Variants in KIF13A observed in about 807,000 individuals in gnomAD.
KIF13A encodes kinesin family member 13A.
A neutral mutation model predicts 212.2 loss-of-function variants in KIF13A; 79 were observed. The ratio of observed to expected loss-of-function variants is 0.37; its 90% CI spans 0.31 to 0.45. The LOEUF (loss-of-function observed/expected upper bound fraction) is 0.45. KIF13A is among the 20% of genes least tolerant of loss of function. KIF13A has a pLI of 1.00. For missense variants in KIF13A, 1,901 were observed against 2,209.0 expected (o/e 0.86, Z 2.79); for synonymous variants, 789 against 808.6 (o/e 0.98, Z 0.41).
At chr6:17,861,253 T>C (rs1202618598) in intron 4 of KIF13A, among the ~76,000 whole-genome samples, 1 of 152,218 alleles carries the variant, frequency 6.6e-6, no homozygotes, top group East Asian at 1.9e-4. Flanking sequence ...GATTGGAGTC[T>C]AGAGAGACTG....
rs977817303 is a variant in KIF13A, at chr6:17,897,793, C to T, written c.159+375G>A. On this transcript the variant is annotated intron_variant, in intron 3 of 38. Coordinates refer to ENST00000259711, the MANE Select transcript of KIF13A (RefSeq NM_022113.6). The surrounding 1 kb of genome is among the most constrained non-coding windows in gnomAD (Gnocchi z 4.8). ...CTATGATCTTACCATAGTTGTTCCT[C>T]CACATTCTAGGCTGTTGATACTGTG... Among the ~76,000 whole-genome samples the T allele has an allele frequency of 1.3e-5, 2 of 152,186 alleles. No individual in the cohort carries two copies. The highest frequency in any genetic ancestry group is 4.8e-5 in the African/African-American group (2 of 41,470).
rs750893727 is a variant in KIF13A, at chr6:17,794,357, C to A, written c.3114G>T (p.Val1038=). Residue 1038 remains valine (V), a synonymous_variant, in exon 25 of 39, where the codon GTG becomes GTT. Coordinates refer to ENST00000259711, the MANE Select transcript of KIF13A (RefSeq NM_022113.6). This position sits in a 1 kb window ranked among gnomAD's most constrained non-coding sequence, Gnocchi z 4.1. The part of the protein sequence containing the change: ...SRRVQVTVKP[V]QHSGTLPLMV... ...TAAGTGGCAGTGTCCCTGAATGCTG[C>A]ACAGGTTTCACCGTGACTTGTACTC... 1.9e-6 allele frequency: 3 copies of A among 1,613,650 alleles called. No homozygotes were observed. The South Asian group carries it at 3.3e-5, about 18-fold the overall frequency.
intron 2 of KIF13A, among the ~76,000 whole-genome samples, chr6:17,939,718 G>C (rs189212116): frequency 6.6e-6 from 1 of 152,308 alleles, no homozygotes. Context: ...CATCTTCACT[G>C]CTCATTATAT....
chr6:17,817,945 A>G (rs9383328), intron 16 of KIF13A, among the ~76,000 whole-genome samples: 150,202 of 152,348 alleles, frequency 0.99, 74,077 homozygotes, highest in Middle Eastern at 1. Flanking sequence ...ATGAGCTACC[A>G]TGATGGTTGT....
chr6:17,915,154 C>T lies in KIF13A; in HGVS notation c.147-16974G>A, dbSNP rs1483999036. On this transcript the variant is annotated intron_variant, in intron 2 of 38. Coordinates refer to ENST00000259711, the MANE Select transcript of KIF13A (RefSeq NM_022113.6). The surrounding 1 kb of genome is among the most constrained non-coding windows in gnomAD (Gnocchi z 4.4). ...GGGAGTCAGAACCAAACTTCATGCT[C>T]CATGTAATAGCTTCAGGGTTATTAG... Among the ~76,000 whole-genome samples, 2 of 152,140 alleles carry T rather than the reference C, an allele frequency of 1.3e-5. No homozygotes were observed. Among genetic ancestry groups the T allele is most frequent in the Non-Finnish European group, 2.9e-5 (2 of 68,020 alleles).
chr6:17,906,467 TGGA>T (rs1428717442), intron 2 of KIF13A, among the ~76,000 whole-genome samples: 2 of 148,600 alleles, frequency 1.3e-5, no homozygotes, highest in African/African-American at 5.0e-5. Flanking sequence ...TTTTTTTTTT[TGGA>T]GGAGATCTCA....
At chr6:17,920,886 A>G (rs1172891443) in intron 2 of KIF13A, among the ~76,000 whole-genome samples, 4 of 152,088 alleles carry the variant, frequency 2.6e-5, no homozygotes, top group Non-Finnish European at 4.4e-5. Context: ...AAAAAAAAAA[A>G]AAAAAGTAAT....
At chr6:17,865,622 T>C (rs1248441077) in intron 4 of KIF13A, among the ~76,000 whole-genome samples, 1 of 152,238 alleles carries the variant, frequency 6.6e-6, no homozygotes, top group Non-Finnish European at 1.5e-5. Flanking sequence ...AATTCTCATA[T>C]GTAGTGATTT....
chr6:17,798,398 GAAC>G (rs762481009), intron 22 of KIF13A, among the ~76,000 whole-genome samples: 56 of 152,244 alleles, frequency 3.7e-4, no homozygotes, highest in Non-Finnish European at 6.5e-4. Context: ...AATATTCAGA[GAAC>G]AACAATAAAA....
Position 17,799,819 on chromosome 6 carries a change from G to A in KIF13A, c.2616+133C>T, listed in dbSNP as rs1762336026. 1.1e-6 allele frequency: 1 copy of A among 884,948 alleles called. No homozygotes were observed. Among genetic ancestry groups the A allele is most frequent in the Non-Finnish European group, 1.8e-6 (1 of 561,860 alleles). 54.8% of individuals were successfully genotyped at this position (884,948 alleles called of 1,614,324 possible). A position where few individuals can be genotyped will look rare whatever the true frequency, so the allele number is the denominator to read the frequency against. ...GCTATATTTCTGAAAACAAAGTACTGTCCACCACTGTATCTGCTGTTACAA... is the reference window on the plus strand; with the variant it reads ...GCTATATTTCTGAAAACAAAGTACTATCCACCACTGTATCTGCTGTTACAA... On this transcript the variant is annotated intron_variant, in intron 21 of 38. Coordinates refer to ENST00000259711, the MANE Select transcript of KIF13A (RefSeq NM_022113.6). This position sits in a 1 kb window ranked among gnomAD's most constrained non-coding sequence, Gnocchi z 4.4.
Position 17,856,182 on chromosome 6 carries a change from G to A in KIF13A, c.221-60C>T. ...AAGAATAATTTTTCTTGACATATTT[G>A]TGTTAGTAACAATATTATGTCAATT... On this transcript the variant is annotated intron_variant, in intron 4 of 38. Coordinates refer to ENST00000259711, the MANE Select transcript of KIF13A (RefSeq NM_022113.6). This position sits in a 1 kb window ranked among gnomAD's most constrained non-coding sequence, Gnocchi z 4.5. The A allele has an allele frequency of 8.5e-7, 1 of 1,178,658 alleles. No individual in the cohort carries two copies. The highest frequency in any genetic ancestry group is 1.2e-6 in the Non-Finnish European group (1 of 805,982). 73.0% of individuals were successfully genotyped at this position (1,178,658 alleles called of 1,614,324 possible).
rs552263235 is a variant in KIF13A, at chr6:17,814,136, A to G, written c.2000+2884T>C. ...CCCGGCTAATTTTTGTATTTTTAGT[A>G]GAGATGGGGTTTCACCTTGTTAGCC... is the stretch of plus-strand genomic sequence containing the variant. On this transcript the variant is annotated intron_variant, in intron 17 of 38. Transcript: ENST00000259711. 9.2e-5 allele frequency among the ~76,000 whole-genome samples: 14 copies of G among 151,564 alleles called. No individual in the cohort carries two copies. In the South Asian group the frequency reaches 1.9e-3, roughly 20 times the overall value.
rs1007186671 is a variant in KIF13A, at chr6:17,839,199, T to C, written c.831-1616A>G. ...ACCTTAAAAGCCCCGACTTGACCAC[T>C]GCACAATCTGTGCCTGTAACAAAAT... On this transcript the variant is annotated intron_variant, in intron 9 of 38. Coordinates refer to ENST00000259711, the MANE Select transcript of KIF13A (RefSeq NM_022113.6). The surrounding 1 kb of genome is among the most constrained non-coding windows in gnomAD (Gnocchi z 4.3). 5.9e-5 allele frequency among the ~76,000 whole-genome samples: 9 copies of C among 152,238 alleles called. No homozygotes were observed. The highest frequency in any genetic ancestry group is 2.2e-4 in the African/African-American group (9 of 41,466).
At chr6:17,916,682 T>C (rs993535382) in intron 2 of KIF13A, among the ~76,000 whole-genome samples, 1 of 152,164 alleles carries the variant, frequency 6.6e-6, no homozygotes, top group Non-Finnish European at 1.5e-5. Flanking sequence ...CTCCTCAAAT[T>C]GTATAGGAAA....
chr6:17,987,084 G>C lies in KIF13A; in HGVS notation c.116C>G (p.Pro39Arg). The C allele has an allele frequency of 1.2e-6, 2 of 1,613,614 alleles. No homozygotes were observed. Among genetic ancestry groups the C allele is most frequent in the Non-Finnish European group, 1.7e-6 (2 of 1,179,580 alleles). Residue 39 changes from proline to arginine, a missense_variant, in exon 2 of 39, where the codon CCT becomes CGT. By Grantham distance (103) the Pro-to-Arg change is moderately radical. Around this residue, in one of 5 missense-constraint regions of KIF13A, gnomAD observed 506 missense variants for 637.4 expected, o/e 0.79. Coordinates refer to ENST00000259711, the MANE Select transcript of KIF13A (RefSeq NM_022113.6). This position sits in a 1 kb window ranked among gnomAD's most constrained non-coding sequence, Gnocchi z 7.7. ...TCCCTGTTTGGTGTTAGAAGGAGGA[G>C]GGTGCAGGACCGTTTGATTCCCTTC... ...EMEGNQTVLH[P>R]PPSNTKQGER...
chr6:17,762,956 T>C (rs535867432), downstream of KIF13A, among the ~76,000 whole-genome samples: 7 of 152,278 alleles, frequency 4.6e-5, no homozygotes, highest in South Asian at 2.1e-4. Flanking sequence ...AGTAGCAGCA[T>C]GATTATTTTA....
chr6:17,823,914 T>TTTC (rs1366480538), intron 16 of KIF13A, among the ~76,000 whole-genome samples: 3 of 110,032 alleles, frequency 2.7e-5, no homozygotes, highest in Admixed American at 9.7e-5. Context: ...TTAATTTAAA[T>TTTC]TTCTTTTTTT....
intron 2 of KIF13A, among the ~76,000 whole-genome samples, chr6:17,937,435 ACTGT>A (rs1266233497): frequency 6.6e-6 from 1 of 152,178 alleles, no homozygotes; most frequent in African/African-American, 2.4e-5. Context: ...TATTTTTGTA[ACTGT>A]CTGAGTAAAA....
At position 17,951,195 on chromosome 6, in the gene KIF13A, C is replaced by G; in HGVS notation, c.146+35859G>C. On this transcript the variant is annotated intron_variant, in intron 2 of 38. Coordinates refer to ENST00000259711, the MANE Select transcript of KIF13A (RefSeq NM_022113.6). The surrounding 1 kb of genome is among the most constrained non-coding windows in gnomAD (Gnocchi z 4.9). Reference sequence around the variant, plus strand: ...TTGAAGACAGGGTCTGGCTCTGTCACCCAGGCTGGCGTGCAGTGGCTCAAA... The same window carrying G: ...TTGAAGACAGGGTCTGGCTCTGTCAGCCAGGCTGGCGTGCAGTGGCTCAAA... 1 of 1,211,440 alleles carries G rather than the reference C, an allele frequency of 8.3e-7. No individual in the cohort carries two copies. Among genetic ancestry groups the G allele is most frequent in the Non-Finnish European group, 1.0e-6 (1 of 959,326 alleles). The allele number at this position is 1,211,440 out of a possible 1,614,324, so 75.0% of individuals were successfully genotyped here. A position where few individuals can be genotyped will look rare whatever the true frequency, so the allele number is the denominator to read the frequency against.
Sources: allele counts gnomAD v4.1 joint callset (sites outside exome capture counted in the v4.1 genomes callset), GRCh38; gene constraint gnomAD v4.1.1; regional missense constraint gnomAD v4.1.1; non-coding constraint Gnocchi (gnomAD v3.1); transcripts MANE v1.5; gene names NCBI Gene and HGNC (gene_info 2026-07-23, HGNC 2026-07-21).